FBXW4: variants seen among roughly 807,000 people sequenced by gnomAD.
FBXW4 encodes the protein F-box and WD repeat domain containing 4.
In FBXW4, 40 loss-of-function variants were observed where a neutral mutation model predicts 61.8. The ratio of observed to expected loss-of-function variants is 0.65; its 90% CI spans 0.50 to 0.84. The LOEUF (loss-of-function observed/expected upper bound fraction) is 0.84, where lower values mean the gene tolerates loss of function less well. Ranked by LOEUF, FBXW4 falls within the 40% of genes least tolerant of loss-of-function variation. The probability of loss-of-function intolerance (pLI) is 0.00; values close to 1 mark genes in which losing one functional copy is unlikely to be tolerated. For synonymous variants in FBXW4, 311 were observed against 313.8 expected (o/e 0.99, Z 0.10); for missense variants, 672 against 753.8 (o/e 0.89, Z 1.27).
chr10:101,625,975 G>C (rs780090144), intron 5 of FBXW4: 2 of 152,278 alleles, frequency 1.3e-5, no homozygotes, highest in Non-Finnish European at 2.9e-5. Flanking sequence ...CAGTGGCTTT[G>C]GCTGGGGTGG....
chr10:101,661,362 G>A (rs2064242798), intron 5 of FBXW4, among the ~76,000 whole-genome samples: 1 of 152,174 alleles, frequency 6.6e-6, no homozygotes, highest in Admixed American at 6.5e-5. Context: ...GGGTCTTGAG[G>A]AATTGAAACC....
intron 4 of FBXW4, 92 bp from the exon 5 acceptor site, chr10:101,668,072 G>A: frequency 1.1e-6 from 1 of 951,546 alleles, no homozygotes; most frequent in Non-Finnish European, 1.7e-6. Context: ...TGGAGGTGGA[G>A]AAATGGGGAA....
intron 5 of FBXW4, among the ~76,000 whole-genome samples, chr10:101,646,365 C>T (rs2134852651): frequency 6.6e-6 from 1 of 152,346 alleles, no homozygotes; most frequent in African/African-American, 2.4e-5. Flanking sequence ...GCCCCCTTAG[C>T]TGTCTCCCAA....
intron 1 of FBXW4, among the ~76,000 whole-genome samples, chr10:101,681,280 C>T (rs2064471643): frequency 6.6e-6 from 1 of 151,534 alleles, no homozygotes; most frequent in South Asian, 2.1e-4. Flanking sequence ...CCCAGCTACT[C>T]GGGAGGCTAA....
intron 4 of FBXW4, among the ~76,000 whole-genome samples, chr10:101,669,138 G>T (rs1446203041): frequency 6.6e-6 from 1 of 152,044 alleles, no homozygotes; most frequent in Non-Finnish European, 1.5e-5. Flanking sequence ...GTGGGGGATG[G>T]GATGATTGTG....
chr10:101,664,824 T>C (rs2064283056), intron 5 of FBXW4, among the ~76,000 whole-genome samples: 1 of 152,196 alleles, frequency 6.6e-6, no homozygotes, highest in South Asian at 2.1e-4. Context: ...CCTGTCTCAA[T>C]ATGCATAACA....
intron 6 of FBXW4, among the ~76,000 whole-genome samples, chr10:101,619,583 C>T (rs1256655417): frequency 2.6e-5 from 4 of 151,432 alleles, no homozygotes; most frequent in East Asian, 1.9e-4. Flanking sequence ...GGCGTGAACC[C>T]GGGAGGCGGA....
At chr10:101,664,495 T>C (rs1228076875) in intron 5 of FBXW4, among the ~76,000 whole-genome samples, 17 of 152,118 alleles carry the variant, frequency 1.1e-4, no homozygotes, top group Non-Finnish European at 1.0e-4. Flanking sequence ...GGTCATATCA[T>C]ATTAGTGACA....
chr10:101,695,267 C>CGGGCTG (rs1299187084), upstream of FBXW4: 4 of 913,350 alleles, frequency 4.4e-6, no homozygotes, highest in African/African-American at 5.4e-5. The surrounding 1 kb of genome is among the most constrained non-coding windows in gnomAD (Gnocchi z 4.2). Context: ...CTTCGGGGTG[C>CGGGCTG]GGGCTGGGGC....
At position 101,676,330 on chromosome 10, in the gene FBXW4, A is replaced by G; in HGVS notation, c.821+11T>C. 2 of 1,611,068 alleles carry G rather than the reference A, an allele frequency of 1.2e-6. No individual in the cohort carries two copies. The highest frequency in any genetic ancestry group is 1.7e-6 in the Non-Finnish European group (2 of 1,178,146). On this transcript the variant is annotated intron_variant, in intron 2 of 8. Transcript: ENST00000331272. ...CCCAAGTAGCTTTTAAAAAGTCAAG[A>G]GGCTACTTGCCTGCATCTCCACTTC...
intron 1 of FBXW4, among the ~76,000 whole-genome samples, chr10:101,693,247 T>A (rs886898289): frequency 1.3e-5 from 2 of 152,222 alleles, no homozygotes; most frequent in Non-Finnish European, 2.9e-5. Flanking sequence ...TTTGCTATAA[T>A]GCCACCTTGA....
intron 5 of FBXW4, 104 bp downstream of exon 5, chr10:101,667,782 G>T: frequency 9.7e-7 from 1 of 1,034,050 alleles, no homozygotes. Context: ...GTGACTCAAA[G>T]CAACCTAGAA....
chr10:101,690,083 A>G (rs1378064611), intron 1 of FBXW4, among the ~76,000 whole-genome samples: 3 of 152,240 alleles, frequency 2.0e-5, no homozygotes, highest in Non-Finnish European at 4.4e-5. Context: ...TTTCTTTAAC[A>G]TAAGACTGGC....
In FBXW4 at chr10:101,667,919, C is replaced by T. The variant is rs781234377; in HGVS notation, c.1202G>A (p.Arg401Gln). The change falls in exon 5 of 9, where the codon CGA (arginine) becomes CAA (glutamine). Residue 401 changes from arginine to glutamine, a missense_variant. By Grantham distance (43) the Arg-to-Gln change is conservative (BLOSUM62 1). This residue lies in a region of FBXW4 where 312 missense variants were observed against 370.1 expected (regional missense o/e 0.84). Transcript: ENST00000331272. Reference sequence around the variant, plus strand: ...TGGGCTGATAGCAATGGACCAGACTCGGTCTTCAGTCTGGATGGTGTGTAA... The same window carrying T: ...TGGGCTGATAGCAATGGACCAGACTTGGTCTTCAGTCTGGATGGTGTGTAA... The part of the protein sequence containing the change: ...QCLHTIQTED[R>Q]VWSIAISPLL... 2.0e-5 allele frequency: 32 copies of T among 1,613,988 alleles called. No homozygotes were observed. Among genetic ancestry groups the T allele is most frequent in the Non-Finnish European group, 2.5e-5 (30 of 1,179,948 alleles).
Position 101,624,762 on chromosome 10 carries a change from T to C in FBXW4, c.1284A>G (p.Arg428=). The C allele has an allele frequency of 1.2e-6, 2 of 1,614,214 alleles. No homozygotes were observed. Among genetic ancestry groups the C allele is most frequent in the Non-Finnish European group, 1.7e-6 (2 of 1,180,040 alleles). ...TACCGHFSPL[R]IWDLNSGQLM... is the part of the protein sequence containing the mutation. ...TCTCTTACCTGTTGAGGTCCCAGATTCTCAGGGGTGAGAAGTGCCCGCAAC... is the reference window on the plus strand; with the variant it reads ...TCTCTTACCTGTTGAGGTCCCAGATCCTCAGGGGTGAGAAGTGCCCGCAAC... Residue 428 remains arginine (R), a synonymous_variant, in exon 6 of 9, where the codon AGA becomes AGG. Transcript: ENST00000331272.
intron 1 of FBXW4, among the ~76,000 whole-genome samples, chr10:101,684,189 T>A (rs1387752273): frequency 6.6e-6 from 1 of 152,190 alleles, no homozygotes; most frequent in Admixed American, 6.5e-5. Context: ...AATGGCACAA[T>A]CTCGGCTCAC....
intron 5 of FBXW4, among the ~76,000 whole-genome samples, chr10:101,643,553 G>A (rs1395545859): frequency 6.6e-6 from 1 of 152,248 alleles, no homozygotes; most frequent in African/African-American, 2.4e-5. Flanking sequence ...CTTGTGCTAA[G>A]GAGCAGATAG....
chr10:101,686,173 C>A (rs771993990), intron 1 of FBXW4, among the ~76,000 whole-genome samples: 14 of 152,096 alleles, frequency 9.2e-5, no homozygotes, highest in Non-Finnish European at 2.9e-5. Context: ...TGTATTTGCA[C>A]GGCACTTGAC....
At chr10:101,683,913 G>A (rs2064504809) in intron 1 of FBXW4, among the ~76,000 whole-genome samples, 1 of 152,142 alleles carries the variant, frequency 6.6e-6, no homozygotes, top group Non-Finnish European at 1.5e-5. Context: ...GGCCAAGGAG[G>A]GGAAAACAGG....
Sources: allele counts gnomAD v4.1 joint callset (sites outside exome capture counted in the v4.1 genomes callset), GRCh38; gene constraint gnomAD v4.1.1; regional missense constraint gnomAD v4.1.1; non-coding constraint Gnocchi (gnomAD v3.1); transcripts MANE v1.5; gene names NCBI Gene and HGNC (gene_info 2026-07-23, HGNC 2026-07-21).